Variants in NEDD9 observed in about 807,000 individuals in gnomAD.
NEDD9 encodes the protein enhancer of filamentation 1.
NEDD9 carries 26 observed loss-of-function variants against 76.6 expected under a neutral mutation model. The observed-to-expected ratio is 0.34, with a 90% confidence interval of 0.25 to 0.47. The LOEUF (loss-of-function observed/expected upper bound fraction) is 0.47, where lower values mean the gene tolerates loss of function less well. Among genes scored for constraint, NEDD9 ranks in the 20% least tolerant of loss-of-function variants. The pLI is 1.00. For synonymous variants in NEDD9, 392 were observed against 414.2 expected (o/e 0.95, Z 0.65); for missense variants, 937 against 1,058.5 (o/e 0.89, Z 1.59).
At chr6:11,305,857 T>C (rs939721199) in intron 3 of NEDD9, 1 of 1,087,548 alleles carries the variant, frequency 9.2e-7, no homozygotes. Flanking sequence ...AACTTAACAG[T>C]ATTTTCCCCA....
At chr6:11,321,259 C>G (rs371631748) in intron 2 of NEDD9, among the ~76,000 whole-genome samples, 7 of 151,768 alleles carry the variant, frequency 4.6e-5, no homozygotes, top group Non-Finnish European at 1.0e-4. Flanking sequence ...TGGCTCTTTC[C>G]TGAAGCTACA....
At chr6:11,280,750 C>T (rs577692888) in intron 3 of NEDD9, among the ~76,000 whole-genome samples, 2 of 152,372 alleles carry the variant, frequency 1.3e-5, no homozygotes, top group Admixed American at 1.3e-4. Context: ...CCTCTTCTGC[C>T]TCCTAGGCAT....
In NEDD9 at chr6:11,206,141, G is replaced by A. The variant is rs369214793; in HGVS notation, c.459+7140C>T. On this transcript the variant is annotated intron_variant, in intron 2 of 6. Transcript: ENST00000379446. ...TTTTAAAGATTTGTACAACCAGGCC[G>A]GGCGTGATGGCTCATGTCTGTAATC... Among the ~76,000 whole-genome samples, 392 of 152,220 alleles carry A rather than the reference G, an allele frequency of 2.6e-3. 2 individuals are homozygous for A. The highest frequency in any genetic ancestry group is 9.1e-3 in the African/African-American group (379 of 41,524).
At chr6:11,220,125 CA>C (rs1759096247) in intron 1 of NEDD9, among the ~76,000 whole-genome samples, 1 of 152,130 alleles carries the variant, frequency 6.6e-6, no homozygotes, top group African/African-American at 2.4e-5. Flanking sequence ...CACAGAAAGG[CA>C]AAAGCAGGAC....
At chr6:11,345,830 G>C (rs550991331) in intron 1 of NEDD9, among the ~76,000 whole-genome samples, 21 of 152,242 alleles carry the variant, frequency 1.4e-4, no homozygotes, top group Non-Finnish European at 1.2e-4. Context: ...GTCAGTGTGA[G>C]AGACAGAGCA....
chr6:11,250,107 C>T (rs1759888009), intron 3 of NEDD9, among the ~76,000 whole-genome samples: 1 of 152,218 alleles, frequency 6.6e-6, no homozygotes, highest in African/African-American at 2.4e-5. Flanking sequence ...AGTCAGACAT[C>T]CACCTCAGGA....
In NEDD9 at chr6:11,213,367, C is replaced by T. The variant is rs763936432; in HGVS notation, c.373G>A (p.Gly125Ser). 40 of 1,613,820 alleles carry T rather than the reference C, an allele frequency of 2.5e-5. No homozygotes were observed. Among genetic ancestry groups the T allele is most frequent in the Non-Finnish European group, 2.9e-5 (34 of 1,180,024 alleles). Residue 125 changes from glycine (G) to serine (S), a missense_variant, in exon 2 of 7, where the codon GGC becomes AGC. By Grantham distance (56) the Gly-to-Ser change is moderately conservative (BLOSUM62 0). Transcript: ENST00000379446. This position sits in a 1 kb window ranked among gnomAD's most constrained non-coding sequence, Gnocchi z 5.4. ...TGATATACCTCTTGTTCTTGGGTGCCGTGGCCAGTGGGGACTTGGTAAATT... is the reference window on the plus strand; with the variant it reads ...TGATATACCTCTTGTTCTTGGGTGCTGTGGCCAGTGGGGACTTGGTAAATT... ...QGIYQVPTGH[G>S]TQEQEVYQVP...
chr6:11,320,939 G>A (rs762507227), intron 2 of NEDD9, among the ~76,000 whole-genome samples: 4 of 151,948 alleles, frequency 2.6e-5, no homozygotes, highest in Non-Finnish European at 5.9e-5. Context: ...GGGGTGGGGT[G>A]GGGGTAGGTG....
intron 2 of NEDD9, among the ~76,000 whole-genome samples, chr6:11,205,288 A>T (rs754835147): frequency 5.0e-4 from 76 of 152,174 alleles, no homozygotes; most frequent in Admixed American, 2.1e-3. Flanking sequence ...CCTCTATGGG[A>T]TCCCTAACAT....
chr6:11,344,543 T>C (rs1762330480), intron 1 of NEDD9, among the ~76,000 whole-genome samples: 2 of 152,206 alleles, frequency 1.3e-5, no homozygotes, highest in African/African-American at 4.8e-5. Flanking sequence ...ATCTACAAAG[T>C]CATGTGGATG....
At chr6:11,350,791 A>G (rs895561458) in intron 1 of NEDD9, among the ~76,000 whole-genome samples, 15 of 152,092 alleles carry the variant, frequency 9.9e-5, no homozygotes, top group Non-Finnish European at 8.8e-5. Flanking sequence ...GTGAGTGAGC[A>G]AGTGGTCGGG....
At chr6:11,323,999 G>A (rs1761869617) in intron 2 of NEDD9, among the ~76,000 whole-genome samples, 1 of 152,198 alleles carries the variant, frequency 6.6e-6, no homozygotes, top group African/African-American at 2.4e-5. Context: ...GAGGGTAGAG[G>A]GATGAGAGGA....
At position 11,252,950 on chromosome 6, in the gene NEDD9, G is replaced by A. The variant is rs1421991831; in HGVS notation, c.13-39223C>T. 6.6e-6 allele frequency among the ~76,000 whole-genome samples: 1 copy of A among 152,148 alleles called. No homozygotes were observed. On this transcript the variant is annotated intron_variant, in intron 3 of 3. Coordinates refer to the NEDD9 transcript ENST00000397378. The surrounding 1 kb of genome is among the most constrained non-coding windows in gnomAD (Gnocchi z 4.3). Reference sequence around the variant, plus strand: ...ATTCTTTTGGGAAAATTGGGCTTGTGCTAGATGTTTTTAATGCTTTCCTGG... The same window carrying A: ...ATTCTTTTGGGAAAATTGGGCTTGTACTAGATGTTTTTAATGCTTTCCTGG...
chr6:11,230,676 G>T (rs1480563087), intron 1 of NEDD9, among the ~76,000 whole-genome samples: 1 of 152,204 alleles, frequency 6.6e-6, no homozygotes, highest in Non-Finnish European at 1.5e-5. Context: ...CATGTGTTCG[G>T]TCGGAGAAGT....
At chr6:11,280,537 T>C (rs947069811) in intron 3 of NEDD9, among the ~76,000 whole-genome samples, 3 of 152,176 alleles carry the variant, frequency 2.0e-5, no homozygotes, top group African/African-American at 7.2e-5. Context: ...TCCACCCTCT[T>C]CTCCCCTGCT....
chr6:11,278,662 T>C (rs1760467857), intron 3 of NEDD9, among the ~76,000 whole-genome samples: 1 of 152,286 alleles, frequency 6.6e-6, no homozygotes, highest in Non-Finnish European at 1.5e-5. Context: ...GATAAGATAC[T>C]GGATTTCCCA....
In NEDD9 at chr6:11,294,339, T is replaced by C. The variant is rs2113383266; in HGVS notation, c.12+11653A>G. 1.3e-5 allele frequency among the ~76,000 whole-genome samples: 2 copies of C among 152,258 alleles called. 1 individual carries two copies. The highest frequency in any genetic ancestry group is 4.1e-4 in the South Asian group (2 of 4,822). ...CATGTTGAATTGTGATCTTCAGTGT[T>C]GGGGGAGGGGTCTGGTGGGAAATGT... On this transcript the variant is annotated intron_variant, in intron 3 of 3. Coordinates refer to the NEDD9 transcript ENST00000397378.
chr6:11,234,637 T>C (rs532385016), upstream of NEDD9, among the ~76,000 whole-genome samples: 3 of 152,210 alleles, frequency 2.0e-5, no homozygotes, highest in South Asian at 4.1e-4. Flanking sequence ...GGTCAGTATA[T>C]AGTTAGCTGC....
At chr6:11,282,552 T>C (rs1271925820) in intron 3 of NEDD9, among the ~76,000 whole-genome samples, 1 of 152,238 alleles carries the variant, frequency 6.6e-6, no homozygotes, top group East Asian at 1.9e-4. Context: ...AGAACAGACT[T>C]GCTGTCCCTC....
Sources: allele counts gnomAD v4.1 joint callset (sites outside exome capture counted in the v4.1 genomes callset), GRCh38; gene constraint gnomAD v4.1.1; non-coding constraint Gnocchi (gnomAD v3.1); transcripts MANE v1.5; gene names NCBI Gene and HGNC (gene_info 2026-07-23, HGNC 2026-07-21).